The following SBNO2 variants were observed in gnomAD, a reference collection of about 807,000 sequenced individuals.
The protein encoded by SBNO2 is strawberry notch homolog 2.
SBNO2 carries 89 observed loss-of-function variants against 146.3 expected under a neutral mutation model. The ratio of observed to expected loss-of-function variants is 0.61; its 90% CI spans 0.51 to 0.73. The LOEUF (loss-of-function observed/expected upper bound fraction) is 0.73. SBNO2 is among the 30% of genes least tolerant of loss of function. The pLI, the probability that SBNO2 is intolerant of heterozygous loss-of-function variation, is 0.00. For synonymous variants in SBNO2, 1,147 were observed against 892.6 expected, an observed-to-expected ratio of 1.29 and a Z score of -5.08; for missense variants, 2,092 against 2,003.7, an observed-to-expected ratio of 1.04 and a Z score of -0.84.
intron 6 of SBNO2, 70 bp from the exon 7 acceptor site, chr19:1,123,709 G>A (rs1046514027): frequency 1.4e-6 from 2 of 1,452,522 alleles, no homozygotes; most frequent in East Asian, 2.5e-5. Context: ...CTCCCCCAGG[G>A]GCAGGGGCCA....
intron 4 of SBNO2, among the ~76,000 whole-genome samples, chr19:1,134,836 A>G (rs1464431608): frequency 6.6e-6 from 1 of 152,086 alleles, no homozygotes; most frequent in Non-Finnish European, 1.5e-5. Flanking sequence ...TCACGAGGTC[A>G]GGAGTTCAAG....
chr19:1,167,156 C>CCT (rs2080433720), intron 1 of SBNO2, among the ~76,000 whole-genome samples: 2 of 152,270 alleles, frequency 1.3e-5, no homozygotes, highest in East Asian at 3.8e-4. Context: ...GCTGGAGCTA[C>CCT]GCACCCTGTC....
In SBNO2 at chr19:1,111,604, C is replaced by G; in HGVS notation, c.2711G>C (p.Arg904Pro). Reference protein sequence around the residue: ...KYNFENKYGTRALHCVLTTIL... With the variant: ...KYNFENKYGTPALHCVLTTIL... ...GGTGGTGAGGACACAGTGCAGGGCCCGGGTGCCATACTAGGGGGAGAAGGT... is the reference window on the plus strand; with the variant it reads ...GGTGGTGAGGACACAGTGCAGGGCCGGGGTGCCATACTAGGGGGAGAAGGT... The change falls in exon 24 of 32, where the codon CGG becomes CCG. Residue 904 changes from arginine (R) to proline (P), a missense_variant. Coordinates refer to ENST00000361757, the MANE Select transcript of SBNO2 (RefSeq NM_014963.3). 1.3e-6 allele frequency: 2 copies of G among 1,585,456 alleles called. No individual in the cohort carries two copies. Among genetic ancestry groups the G allele is most frequent in the Non-Finnish European group, 1.7e-6 (2 of 1,166,186 alleles).
chr19:1,127,839 G>GTGTCTCCCATCCCCACGT, intron 4 of SBNO2, 74 bp from the exon 5 acceptor site: 1 of 1,436,628 alleles, frequency 7.0e-7, no homozygotes, highest in Non-Finnish European at 9.7e-7. Flanking sequence ...GGAGCACGTG[G>GTGTCTCCCATCCCCACGT]GGATGGGAGA....
chr19:1,123,380 G>T (rs1020840871), intron 7 of SBNO2, among the ~76,000 whole-genome samples, 154 bp downstream of exon 7: 1 of 152,140 alleles, frequency 6.6e-6, no homozygotes, highest in African/African-American at 2.4e-5. Flanking sequence ...TTTTGTATAA[G>T]CCTGGATTGT....
chr19:1,108,969 C>T lies in SBNO2; in HGVS notation c.3426G>A (p.Trp1142Ter). The change falls in exon 31 of 32, where the codon TGG becomes TGA. Residue 1142 changes from tryptophan (W) to a stop codon, truncating the protein, a stop_gained and splice_region_variant. Transcript: ENST00000361757. LOFTEE classifies it high-confidence loss of function. The part of the protein sequence containing the change: ...LSLTHCSHSA[W>*]NRHCRLAQEG... ...CCTGCGCCAGCCGGCAGTGCCGGTT[C>T]CTGCGGACGAGACGGGTCGTCTCGG... 6.5e-7 allele frequency: 1 copy of T among 1,527,022 alleles called. No homozygotes were observed. The highest frequency in any genetic ancestry group is 8.8e-7 in the Non-Finnish European group (1 of 1,142,302). The allele number at this position is 1,527,022 out of a possible 1,614,324, so 94.6% of individuals were successfully genotyped here. A position where few individuals can be genotyped will look rare whatever the true frequency, so the allele number is the denominator to read the frequency against.
chr19:1,155,822 TA>T (rs1012166946), intron 1 of SBNO2, among the ~76,000 whole-genome samples: 6 of 152,272 alleles, frequency 3.9e-5, no homozygotes, highest in African/African-American at 1.4e-4. Context: ...CCACCAGTGC[TA>T]GGGGGTGGCC....
rs2079847837 is a variant in SBNO2 at position 1,117,514 on chromosome 19, C to T, written c.1528-15G>A. On this transcript the variant is annotated splice_polypyrimidine_tract_variant and intron_variant, in intron 14 of 31. Transcript: ENST00000361757. ...GCCTCGGCCCACTGCAATGACACGTCACAAGGCGCCCCTGAGCTGTGGCTC... is the reference window on the plus strand; with the variant it reads ...GCCTCGGCCCACTGCAATGACACGTTACAAGGCGCCCCTGAGCTGTGGCTC... 2 of 1,563,470 alleles carry T rather than the reference C, an allele frequency of 1.3e-6. No individual in the cohort carries two copies. The highest frequency in any genetic ancestry group is 1.4e-5 in the African/African-American group (1 of 73,336).
At position 1,112,914 on chromosome 19, in the gene SBNO2, G is replaced by C. The variant is rs370315705; in HGVS notation, c.2283C>G (p.Pro761=). 10 of 1,568,328 alleles carry C rather than the reference G, an allele frequency of 6.4e-6. No individual in the cohort carries two copies. The highest frequency in any genetic ancestry group is 5.6e-5 in the Admixed American group (3 of 53,338). The stretch of plus-strand genomic sequence containing the variant: ...GCGACTCGAAGGCCACCGTCCCGTC[G>C]GGCCTGGACACCACGCGGCCTTTCC... ...TGRKGRVVSR[P]DGTVAFESRA... Residue 761 remains proline (P), a synonymous_variant, in exon 20 of 32, where the codon CCC becomes CCG. Transcript: ENST00000361757. This position sits in a 1 kb window ranked among gnomAD's most constrained non-coding sequence, Gnocchi z 5.9.
intron 2 of SBNO2, among the ~76,000 whole-genome samples, chr19:1,153,604 C>A (rs572598028): frequency 1.4e-3 from 216 of 152,056 alleles, no homozygotes; most frequent in African/African-American, 5.1e-3. Flanking sequence ...GTGGCGCCGT[C>A]TCCACTCACT....
At chr19:1,141,913 G>A (rs114071079) in intron 4 of SBNO2, among the ~76,000 whole-genome samples, 2,316 of 152,082 alleles carry the variant, frequency 0.015, 70 homozygotes, top group African/African-American at 0.054. Flanking sequence ...GTGAGCCACC[G>A]TGCCCAGTCC....
At chr19:1,171,453 T>C (rs1472177346) in intron 1 of SBNO2, among the ~76,000 whole-genome samples, 1 of 152,072 alleles carries the variant, frequency 6.6e-6, no homozygotes, top group Non-Finnish European at 1.5e-5. Context: ...GCTGGCGTCA[T>C]GGGGGGCTGC....
At chr19:1,122,312 G>C in intron 10 of SBNO2, 30 bp from the exon 11 acceptor site, 2 of 1,537,800 alleles carry the variant, frequency 1.3e-6, no homozygotes, top group East Asian at 2.3e-5. Context: ...GTGTGGAATG[G>C]GGCCCCGGCT....
chr19:1,122,154 C>G lies in SBNO2; in HGVS notation c.1134G>C (p.Glu378Asp). 6.8e-7 allele frequency: 1 copy of G among 1,465,270 alleles called. No homozygotes were observed. The highest frequency in any genetic ancestry group is 2.6e-5 in the East Asian group (1 of 38,352). 90.8% of individuals were successfully genotyped at this position (1,465,270 alleles called of 1,614,324 possible). A position where few individuals can be genotyped will look rare whatever the true frequency, so the allele number is the denominator to read the frequency against. Reference sequence around the variant, plus strand: ...AGCAGGATACGACGCCCTCGAAGGCCTCCCCACACCAGTCCAGGATCTGCC... The same window carrying G: ...AGCAGGATACGACGCCCTCGAAGGCGTCCCCACACCAGTCCAGGATCTGCC... ...RLRQILDWCG[E>D]AFEGVIVFDE... The change falls in exon 11 of 32, where the codon GAG (glutamate) becomes GAC (aspartate). Residue 378 changes from glutamate (E) to aspartate (D), a missense_variant. By Grantham distance (45) the Glu-to-Asp change is conservative. Coordinates refer to ENST00000361757, the MANE Select transcript of SBNO2 (RefSeq NM_014963.3).
Position 1,140,395 on chromosome 19 carries a change from G to T in SBNO2, c.279+6914C>A, listed in dbSNP as rs148215349. On this transcript the variant is annotated intron_variant, in intron 4 of 31. Transcript: ENST00000361757. This position sits in a 1 kb window ranked among gnomAD's most constrained non-coding sequence, Gnocchi z 4.4. The stretch of plus-strand genomic sequence containing the variant: ...GGCAGGGGGCCCCACCAGGACACAC[G>T]GGGCTGAGCCATCACCCACCAGGGA... 1.3e-5 allele frequency among the ~76,000 whole-genome samples: 2 copies of T among 152,168 alleles called. No individual in the cohort carries two copies. The highest frequency in any genetic ancestry group is 1.9e-4 in the East Asian group (1 of 5,190).
chr19:1,122,512 G>A lies in SBNO2; in HGVS notation c.961C>T (p.Arg321Trp), dbSNP rs755797979. The A allele has an allele frequency of 7.0e-6, 11 of 1,567,032 alleles. No individual in the cohort carries two copies. The highest frequency in any genetic ancestry group is 3.5e-5 in the South Asian group (3 of 85,734). Reference protein sequence around the residue: ...DLKYDAERDLRDIEATGIAVH... With the variant: ...DLKYDAERDLWDIEATGIAVH... ...GCGATGCCCGTGGCTTCGATGTCCC[G>A]CAGGTCGCGCTCCGCATCGTACTTG... The change falls in exon 10 of 32, where the codon CGG becomes TGG. Residue 321 changes from arginine to tryptophan, a missense_variant. Coordinates refer to ENST00000361757, the MANE Select transcript of SBNO2 (RefSeq NM_014963.3).
intron 2 of SBNO2, among the ~76,000 whole-genome samples, chr19:1,153,601 C>T (rs957823251): frequency 1.1e-4 from 16 of 145,858 alleles, no homozygotes; most frequent in Admixed American, 8.9e-4. Flanking sequence ...TCAGTGGCGC[C>T]GTCTCCACTC....
At position 1,111,628 on chromosome 19, in the gene SBNO2, G is replaced by A. The variant is rs763109163; in HGVS notation, c.2701-14C>T. 9 of 1,559,176 alleles carry A rather than the reference G, an allele frequency of 5.8e-6. No homozygotes were observed. Among genetic ancestry groups the A allele is most frequent in the African/African-American group, 1.4e-5 (1 of 73,466 alleles). ...CCGGGTGCCATACTAGGGGGAGAAGGTGACTCGGGGAGGAGGCCCAGGGAG... is the reference window on the plus strand; with the variant it reads ...CCGGGTGCCATACTAGGGGGAGAAGATGACTCGGGGAGGAGGCCCAGGGAG... On this transcript the variant is annotated splice_polypyrimidine_tract_variant and intron_variant, in intron 23 of 31. Coordinates refer to ENST00000361757, the MANE Select transcript of SBNO2 (RefSeq NM_014963.3).
Position 1,158,263 on chromosome 19 carries a change from G to A in SBNO2, c.-126-3861C>T, listed in dbSNP as rs1453131340. 6.6e-6 allele frequency among the ~76,000 whole-genome samples: 1 copy of A among 151,956 alleles called. No individual in the cohort carries two copies. The highest frequency in any genetic ancestry group is 1.5e-5 in the Non-Finnish European group (1 of 67,964). Reference sequence around the variant, plus strand: ...TCGCGCGCTCCGCCCTCAGACCCGAGCCGTCTGCAGATGGGGAGCTGTGTC... The same window carrying A: ...TCGCGCGCTCCGCCCTCAGACCCGAACCGTCTGCAGATGGGGAGCTGTGTC... On this transcript the variant is annotated intron_variant, in intron 1 of 31. Transcript: ENST00000361757. The surrounding 1 kb of genome is among the most constrained non-coding windows in gnomAD (Gnocchi z 9.9).
Sources: allele counts gnomAD v4.1 joint callset (sites outside exome capture counted in the v4.1 genomes callset), GRCh38; gene constraint gnomAD v4.1.1; non-coding constraint Gnocchi (gnomAD v3.1); transcripts MANE v1.5; gene names NCBI Gene and HGNC (gene_info 2026-07-23, HGNC 2026-07-21).